Variants in APTX observed in about 807,000 individuals in gnomAD.
APTX encodes the protein aprataxin.
In APTX, 33 loss-of-function variants were observed where a neutral mutation model predicts 42.3. That is an observed-to-expected ratio of 0.78 (90% CI 0.59 to 1.04). APTX has a LOEUF of 1.04. APTX is among the 50% of genes least tolerant of loss of function. The pLI, the probability that APTX is intolerant of heterozygous loss-of-function variation, is 0.00. For missense variants in APTX, 421 were observed against 415.1 expected, an observed-to-expected ratio of 1.01 and a Z score of -0.12; for synonymous variants, 130 against 146.7, an observed-to-expected ratio of 0.89 and a Z score of 0.82.
chr9:33,009,701 C>T (rs1409235646), intron 1 of APTX, among the ~76,000 whole-genome samples: 3 of 152,020 alleles, frequency 2.0e-5, no homozygotes, highest in Non-Finnish European at 2.9e-5. Flanking sequence ...ACTGCTTGAG[C>T]CCAGAAGTCC....
At chr9:32,990,051 C>A in intron 1 of APTX, 156 bp from the exon 2 acceptor site, 1 of 864,672 alleles carries the variant, frequency 1.2e-6, no homozygotes, top group South Asian at 1.5e-5. Context: ...ACCTATAAAC[C>A]ATGATAATGA....
intron 1 of APTX, among the ~76,000 whole-genome samples, chr9:32,999,137 G>A (rs962354160): frequency 6.6e-6 from 1 of 152,094 alleles, no homozygotes; most frequent in South Asian, 2.1e-4. Flanking sequence ...GTAAAGCAAA[G>A]AAGAAGGGAG....
intron 1 of APTX, 34 bp downstream of exon 1, chr9:33,001,533 G>A (rs766235516): frequency 6.2e-7 from 1 of 1,613,472 alleles, no homozygotes; most frequent in African/African-American, 1.3e-5. Flanking sequence ...ATTGAGCCCA[G>A]CCAGCAGAAG....
At position 33,001,557 on chromosome 9, in the gene APTX, A is replaced by C; in HGVS notation, c.-5+10T>G. The C allele has an allele frequency of 1.2e-6, 2 of 1,613,764 alleles. No homozygotes were observed. Among genetic ancestry groups the C allele is most frequent in the Non-Finnish European group, 1.7e-6 (2 of 1,180,012 alleles). On this transcript the variant is annotated intron_variant, in intron 1 of 7. Transcript: ENST00000379817. ...AGCCAGCAGAAGAGATAGGCTGACG[A>C]CCGCCTTACCTCCAGAAGTCGGAGA... is the stretch of plus-strand genomic sequence containing the variant.
intron 7 of APTX, 61 bp downstream of exon 7, chr9:32,974,397 A>T: frequency 8.9e-7 from 1 of 1,125,742 alleles, no homozygotes; most frequent in Non-Finnish European, 1.4e-6. Context: ...AAACAACCAA[A>T]TCAAATATAA....
chr9:32,986,278 G>C, intron 4 of APTX: 1 of 585,528 alleles, frequency 1.7e-6, no homozygotes, highest in Non-Finnish European at 3.2e-6. Context: ...GCAGCGGCGT[G>C]ATCACTGCAA....
intron 6 of APTX, among the ~76,000 whole-genome samples, chr9:32,983,111 ATT>A: frequency 6.6e-6 from 1 of 152,060 alleles, no homozygotes; most frequent in East Asian, 1.9e-4. Context: ...AATTTTTTGT[ATT>A]TTTTGTAGAG....
At chr9:32,973,765 G>T in intron 7 of APTX, 113 bp from the exon 8 acceptor site, 3 of 1,375,106 alleles carry the variant, frequency 2.2e-6, no homozygotes, top group Non-Finnish European at 3.1e-6. Context: ...GCCAGGCCAG[G>T]TATTCTACAG....
intron 1 of APTX, among the ~76,000 whole-genome samples, chr9:33,007,383 T>C (rs568594654): frequency 2.6e-5 from 4 of 152,320 alleles, no homozygotes; most frequent in East Asian, 1.9e-4. Flanking sequence ...ATGAAGGTCA[T>C]TGTGGCTGCT....
chr9:32,996,278 C>CTTTT (rs112456184), intron 1 of APTX, among the ~76,000 whole-genome samples: 1 of 142,876 alleles, frequency 7.0e-6, no homozygotes, highest in Non-Finnish European at 1.5e-5. Context: ...ATAAATCGCT[C>CTTTT]TTTTTTTTTT....
intron 1 of APTX, among the ~76,000 whole-genome samples, chr9:32,994,806 G>A (rs1263075541): frequency 1.3e-5 from 2 of 152,182 alleles, no homozygotes; most frequent in Non-Finnish European, 2.9e-5. Context: ...AAGCTTCAAG[G>A]ACAGGCTGTC....
chr9:33,013,752 C>T (rs750876941), intron 1 of APTX, among the ~76,000 whole-genome samples: 7 of 152,098 alleles, frequency 4.6e-5, no homozygotes, highest in Non-Finnish European at 8.8e-5. Context: ...TGCAGTGAGC[C>T]GAGATTGCGC....
At chr9:33,018,151 C>T (rs1838053278) in intron 1 of APTX, among the ~76,000 whole-genome samples, 1 of 150,170 alleles carries the variant, frequency 6.7e-6, no homozygotes, top group African/African-American at 2.4e-5. Flanking sequence ...CACTCTGTCA[C>T]CCAGGCTGGA....
chr9:33,017,181 G>C (rs552459819), intron 1 of APTX, among the ~76,000 whole-genome samples: 38 of 152,226 alleles, frequency 2.5e-4, no homozygotes, highest in African/African-American at 7.9e-4. Flanking sequence ...CATCCCACAG[G>C]TTAAGGGCTC....
At chr9:33,005,992 T>C (rs1007906830), upstream of APTX, among the ~76,000 whole-genome samples, 2 of 152,212 alleles carry the variant, frequency 1.3e-5, no homozygotes, top group Admixed American at 6.5e-5. Context: ...GTAATACTTT[T>C]TGAAATCAGG....
intron 6 of APTX, among the ~76,000 whole-genome samples, chr9:32,976,490 A>C (rs1829446362): frequency 6.6e-6 from 1 of 152,232 alleles, no homozygotes; most frequent in Non-Finnish European, 1.5e-5. Flanking sequence ...CTCAAGACAA[A>C]AAAATTATCT....
intron 6 of APTX, among the ~76,000 whole-genome samples, chr9:32,977,503 C>T (rs763501663): frequency 2.0e-5 from 3 of 150,830 alleles, no homozygotes; most frequent in Non-Finnish European, 4.4e-5. Context: ...AAAACGAAAA[C>T]AAAAAATGAA....
intron 6 of APTX, among the ~76,000 whole-genome samples, chr9:32,978,813 T>A (rs1830047908): frequency 1.3e-5 from 2 of 152,204 alleles, no homozygotes; most frequent in Non-Finnish European, 2.9e-5. Flanking sequence ...ACAAGCCAGA[T>A]GAGCACTGTT....
chr9:32,974,471 G>T lies in APTX; in HGVS notation c.861C>A (p.Phe287Leu). ...KHWNSFNTEY[F>L]LESQAVIEMV... The stretch of plus-strand genomic sequence containing the variant: ...AACACTGTTTACCTTGTGATTCTAG[G>T]AAGTATTCTGTATTGAAAGAATTCC... Residue 287 changes from phenylalanine (F) to leucine (L), a missense_variant, in exon 7 of 8, where the codon TTC (phenylalanine) becomes TTA (leucine). Phe to Leu is a conservative substitution (Grantham distance 22). Coordinates refer to ENST00000379817, the MANE Select transcript of APTX (RefSeq NM_001195248.2). The T allele has an allele frequency of 6.3e-7, 1 of 1,582,304 alleles. No homozygotes were observed. Among genetic ancestry groups the T allele is most frequent in the Non-Finnish European group, 8.7e-7 (1 of 1,151,536 alleles).
Sources: gnomAD v4.1 joint callset for allele counts (sites outside exome capture counted in the v4.1 genomes callset) on GRCh38, gnomAD v4.1.1 for gene constraint, MANE v1.5 for transcripts, NCBI Gene and HGNC (gene_info 2026-07-23, HGNC 2026-07-21) for gene names.